Variants in UBE3A observed in about 807,000 individuals in gnomAD.
The protein encoded by UBE3A is ubiquitin protein ligase E3A.
UBE3A carries 6 observed loss-of-function variants against 83.4 expected under a neutral mutation model. The observed-to-expected ratio is 0.07, with a 90% CI of 0.04 to 0.14. The LOEUF (loss-of-function observed/expected upper bound fraction) is 0.14. UBE3A is among the 10% of genes least tolerant of loss of function. The pLI is 1.00. For synonymous variants in UBE3A, 337 were observed against 355.4 expected (o/e 0.95, Z 0.58); for missense variants, 456 against 1,036.1 (o/e 0.44, Z 7.69).
intron 11 of UBE3A, among the ~76,000 whole-genome samples, chr15:25,340,854 G>T (rs1054115110): frequency 6.6e-6 from 1 of 152,152 alleles, no homozygotes; most frequent in Non-Finnish European, 1.5e-5. Flanking sequence ...TATGGAGGAG[G>T]AGAATTATTC....
At position 25,356,838 on chromosome 15, in the gene UBE3A, T is replaced by C. The variant is rs2077280743; in HGVS notation, c.1812A>G (p.Glu604=). The C allele has an allele frequency of 6.2e-7, 1 of 1,613,722 alleles. No homozygotes were observed. Among genetic ancestry groups the C allele is most frequent in the South Asian group, 1.1e-5 (1 of 91,078 alleles). Residue 604 remains glutamate (E), a synonymous_variant, in exon 8 of 13, where the codon GAA becomes GAG. Coordinates refer to ENST00000648336, the MANE Select transcript of UBE3A (RefSeq NM_130839.5). The part of the protein sequence containing the change: ...KLFWFNPSSF[E]TEGQFTLIGI... ...CAATCAGAGTAAACTGACCCTCAGT[T>C]TCAAAAGAAGATGGATTAAACCAAA...
At chr15:25,385,666 T>C (rs969191962) in intron 4 of UBE3A, among the ~76,000 whole-genome samples, 1 of 151,810 alleles carries the variant, frequency 6.6e-6, no homozygotes, top group Non-Finnish European at 1.5e-5. Flanking sequence ...ATAGGATAAG[T>C]GAGGTCACAG....
chr15:25,370,089 T>C lies in UBE3A; in HGVS notation c.1608+477A>G, dbSNP rs1167790989. 6.6e-6 allele frequency among the ~76,000 whole-genome samples: 1 copy of C among 152,216 alleles called. No individual in the cohort carries two copies. The highest frequency in any genetic ancestry group is 2.4e-5 in the African/African-American group (1 of 41,452). On this transcript the variant is annotated intron_variant, in intron 6 of 12. Coordinates refer to ENST00000648336, the MANE Select transcript of UBE3A (RefSeq NM_130839.5). The surrounding 1 kb of genome is among the most constrained non-coding windows in gnomAD (Gnocchi z 4.2). Reference sequence around the variant, plus strand: ...AACTCTTACTGGCAACAGGCACTGATCTGCCATGGTCACTTCATCAAGTCC... The same window carrying C: ...AACTCTTACTGGCAACAGGCACTGACCTGCCATGGTCACTTCATCAAGTCC...
intron 4 of UBE3A, chr15:25,391,875 A>T (rs903539687): frequency 3.3e-5 from 5 of 152,288 alleles, no homozygotes; most frequent in African/African-American, 4.8e-5. Flanking sequence ...AGTGATGCAG[A>T]GGTGAACATT....
chr15:25,398,167 CAAAAAA>C (rs71127052), intron 4 of UBE3A, among the ~76,000 whole-genome samples: 25 of 99,168 alleles, frequency 2.5e-4, no homozygotes, highest in African/African-American at 1.3e-3. Flanking sequence ...GACTCTGTCT[CAAAAAA>C]AAAAAAAAAA....
At chr15:25,339,975 G>T in intron 12 of UBE3A, 110 bp downstream of exon 12, 1 of 1,389,250 alleles carries the variant, frequency 7.2e-7, no homozygotes, top group Non-Finnish European at 1.0e-6. Flanking sequence ...TTGGGGATTT[G>T]TATATAAAAT....
At chr15:25,408,547 G>C (rs2089245678) in intron 3 of UBE3A, 3 of 1,584,258 alleles carry the variant, frequency 1.9e-6, no homozygotes, top group Non-Finnish European at 2.6e-6. Flanking sequence ...TTGAATCGCA[G>C]AAAATATGAT....
At chr15:25,434,907 C>A (rs1171594799) in intron 1 of UBE3A, among the ~76,000 whole-genome samples, 1 of 151,716 alleles carries the variant, frequency 6.6e-6, no homozygotes, top group Admixed American at 6.6e-5. Flanking sequence ...GATAATCATG[C>A]CCCCCAAAAT....
intron 1 of UBE3A, among the ~76,000 whole-genome samples, chr15:25,433,767 AAAGACCAG>A (rs1894188513): frequency 6.6e-6 from 1 of 152,148 alleles, no homozygotes; most frequent in Non-Finnish European, 1.5e-5. Context: ...ACTCATGTAC[AAAGACCAG>A]TATTTTTTAA....
Position 25,339,082 on chromosome 15 carries a change from A to T in UBE3A, c.*55T>A, listed in dbSNP as rs1026117086. 11 of 1,476,228 alleles carry T rather than the reference A, an allele frequency of 7.5e-6. No homozygotes were observed. In the Admixed American group the frequency reaches 1.9e-4, roughly 26 times the overall value. 91.4% of individuals were successfully genotyped at this position (1,476,228 alleles called of 1,614,324 possible). A position where few individuals can be genotyped will look rare whatever the true frequency, so the allele number is the denominator to read the frequency against. On this transcript the variant is annotated 3_prime_UTR_variant, in exon 13 of 13. Coordinates refer to ENST00000648336, the MANE Select transcript of UBE3A (RefSeq NM_130839.5). ...CTCGTTATATTTTTAAAATTTTTTAAATTTTTTCTTTTTTTTTCCTTCCTT... is the reference window on the plus strand; with the variant it reads ...CTCGTTATATTTTTAAAATTTTTTATATTTTTTCTTTTTTTTTCCTTCCTT...
At chr15:25,404,236 TA>T (rs146350677) in intron 4 of UBE3A, among the ~76,000 whole-genome samples, 1 of 152,078 alleles carries the variant, frequency 6.6e-6, no homozygotes, top group Non-Finnish European at 1.5e-5. Flanking sequence ...ATATTTTCAG[TA>T]AAAAAATCTT....
intron 4 of UBE3A, among the ~76,000 whole-genome samples, chr15:25,387,463 G>A (rs150952046): frequency 0.029 from 4,387 of 151,948 alleles, 88 homozygotes; most frequent in Middle Eastern, 0.061. Flanking sequence ...CGGAGCTTGC[G>A]GTGAGCCGAG....
intron 8 of UBE3A, 80 bp from the exon 9 acceptor site, chr15:25,356,136 G>A: frequency 1.3e-6 from 2 of 1,528,056 alleles, no homozygotes; most frequent in Non-Finnish European, 1.8e-6. Flanking sequence ...CTTCTTAGAA[G>A]ACAACAAAAA....
chr15:25,406,264 C>A (rs868784302), intron 3 of UBE3A, among the ~76,000 whole-genome samples: 2 of 152,174 alleles, frequency 1.3e-5, no homozygotes, highest in African/African-American at 4.8e-5. Flanking sequence ...CCTAAAAATA[C>A]ACTTACTGTA....
At chr15:25,434,145 C>T (rs1894302200) in intron 1 of UBE3A, among the ~76,000 whole-genome samples, 1 of 152,100 alleles carries the variant, frequency 6.6e-6, no homozygotes, top group Non-Finnish European at 1.5e-5. Context: ...AATTAATAAG[C>T]TTCTTTTTGA....
intron 6 of UBE3A, among the ~76,000 whole-genome samples, chr15:25,368,163 A>G (rs1313247470): frequency 6.6e-6 from 1 of 152,160 alleles, no homozygotes; most frequent in African/African-American, 2.4e-5. Flanking sequence ...TTGGGAAATA[A>G]GATCTTGAAA....
intron 5 of UBE3A, chr15:25,373,399 G>C (rs1195502607): frequency 6.6e-6 from 1 of 152,180 alleles, no homozygotes; most frequent in Non-Finnish European, 1.5e-5. Flanking sequence ...GATATGTCAT[G>C]CTTTCGGAAC....
intron 4 of UBE3A, among the ~76,000 whole-genome samples, chr15:25,392,685 G>A (rs2084677210): frequency 6.6e-6 from 1 of 152,126 alleles, no homozygotes; most frequent in African/African-American, 2.4e-5. Flanking sequence ...CACTATGGGT[G>A]GGAAGAATGT....
chr15:25,418,352 T>C (rs998874668), intron 1 of UBE3A: 5 of 152,126 alleles, frequency 3.3e-5, no homozygotes, highest in Non-Finnish European at 7.3e-5. Context: ...CAAATGTTCA[T>C]TGTACCTTTT....
Sources: allele counts gnomAD v4.1 joint callset (sites outside exome capture counted in the v4.1 genomes callset), GRCh38; gene constraint gnomAD v4.1.1; non-coding constraint Gnocchi (gnomAD v3.1); transcripts MANE v1.5; gene names NCBI Gene and HGNC (gene_info 2026-07-23, HGNC 2026-07-21).